Variants in PEX5L observed in about 807,000 individuals in gnomAD.
The protein encoded by PEX5L is PEX5-related protein.
PEX5L carries 30 observed loss-of-function variants against 84.0 expected under a neutral mutation model. The observed-to-expected ratio is 0.36, with a 90% confidence interval of 0.27 to 0.48. PEX5L has a LOEUF of 0.48. Among genes scored for constraint, PEX5L ranks in the 20% least tolerant of loss-of-function variants. The pLI is 0.99. For missense variants in PEX5L, 533 were observed against 754.6 expected (o/e 0.71, Z 3.44); for synonymous variants, 270 against 283.1 (o/e 0.95, Z 0.46).
Position 179,809,481 on chromosome 3 carries a change from G to A in PEX5L, c.1342C>T (p.Pro448Ser). ...TAACGAGAAGGATACCTATCAACTG[G>A]GGACTTAGACATCCGCCGGGTGAGG... ...PGLTRRMSKSPVDSSVLEGVK... is the reference protein window; with the variant it reads ...PGLTRRMSKSSVDSSVLEGVK... Residue 448 changes from proline to serine, a missense_variant, in exon 12 of 15, where the codon CCA (proline) becomes TCA (serine). Physicochemically the swap from Pro to Ser is moderately conservative, Grantham distance 74. Around this residue, in one of 8 missense-constraint regions of PEX5L, gnomAD observed 63 missense variants for 60.2 expected, o/e 1.05. Transcript: ENST00000467460. 1 of 1,612,928 alleles carries A rather than the reference G, an allele frequency of 6.2e-7. No individual in the cohort carries two copies. Among genetic ancestry groups the A allele is most frequent in the Non-Finnish European group, 8.5e-7 (1 of 1,178,964 alleles).
chr3:179,841,206 C>G (rs910395427), intron 8 of PEX5L, among the ~76,000 whole-genome samples: 4 of 151,968 alleles, frequency 2.6e-5, no homozygotes, highest in Admixed American at 2.6e-4. Flanking sequence ...CCTCTGCCTG[C>G]TTCTTCAGCT....
chr3:180,024,612 A>G (rs1790772205), intron 1 of PEX5L, among the ~76,000 whole-genome samples: 1 of 151,404 alleles, frequency 6.6e-6, no homozygotes, highest in Admixed American at 6.6e-5. Context: ...AGACAAGTCC[A>G]CTGGATGACC....
At chr3:179,972,198 T>C (rs1480726562) in intron 1 of PEX5L, among the ~76,000 whole-genome samples, 1 of 152,134 alleles carries the variant, frequency 6.6e-6, no homozygotes, top group Non-Finnish European at 1.5e-5. Flanking sequence ...TCAGAAATAA[T>C]TTTAAAGAGA....
Position 179,809,602 on chromosome 3 carries a change from A to T in PEX5L, c.1221T>A (p.Thr407=), listed in dbSNP as rs199601995. 1.2e-6 allele frequency: 2 copies of T among 1,613,646 alleles called. No individual in the cohort carries two copies. The highest frequency in any genetic ancestry group is 4.5e-5 in the East Asian group (2 of 44,876). Residue 407 remains threonine (T), a synonymous_variant, in exon 12 of 15, where the codon ACT becomes ACA. Transcript: ENST00000467460. ...CGTCACAGGCATCCTGCTGATGGCC[A>T]GTGTTAGTATAACTCACAGCCAAGG... ...LMALAVSYTN[T]GHQQDACDAL...
chr3:180,016,108 C>T (rs1465417696), intron 1 of PEX5L, among the ~76,000 whole-genome samples: 3 of 151,906 alleles, frequency 2.0e-5, no homozygotes, highest in Admixed American at 2.0e-4. Context: ...ACACCACCAC[C>T]ACCACCACCA....
At chr3:180,006,493 A>G (rs1196165452) in intron 1 of PEX5L, among the ~76,000 whole-genome samples, 1 of 152,192 alleles carries the variant, frequency 6.6e-6, no homozygotes, top group African/African-American at 2.4e-5. Flanking sequence ...GAGGAAGTTG[A>G]GGTGAGGGCT....
chr3:179,887,649 A>G (rs749618300), intron 4 of PEX5L, 24 bp downstream of exon 4: 1 of 1,377,792 alleles, frequency 7.3e-7, no homozygotes, highest in Non-Finnish European at 1.0e-6. Context: ...CTAGTTGAGG[A>G]ACAGTTAAAA....
chr3:179,919,661 A>G (rs965460741), intron 2 of PEX5L, among the ~76,000 whole-genome samples: 7 of 152,200 alleles, frequency 4.6e-5, no homozygotes, highest in African/African-American at 1.7e-4. Context: ...ACTCAACTCT[A>G]TCTTTGTGGT....
chr3:179,978,288 T>C (rs938704416), intron 1 of PEX5L, among the ~76,000 whole-genome samples: 1 of 152,176 alleles, frequency 6.6e-6, no homozygotes, highest in African/African-American at 2.4e-5. Flanking sequence ...TATTTTCTAT[T>C]TTCCAAGATT....
chr3:179,902,686 C>T (rs1388206180), intron 2 of PEX5L: 1 of 456,466 alleles, frequency 2.2e-6, no homozygotes, highest in East Asian at 7.0e-5. Context: ...CGTTTTGGTG[C>T]ATAAAATACT....
At chr3:179,930,498 G>A (rs1772776403) in intron 2 of PEX5L, among the ~76,000 whole-genome samples, 1 of 152,130 alleles carries the variant, frequency 6.6e-6, no homozygotes, top group South Asian at 2.1e-4. Context: ...GAAGTTTGTG[G>A]TGCTCCATGA....
intron 2 of PEX5L, among the ~76,000 whole-genome samples, chr3:179,945,164 T>A (rs1777176821): frequency 1.3e-5 from 2 of 152,312 alleles, no homozygotes; most frequent in Admixed American, 6.5e-5. Context: ...GGTCTTCATA[T>A]CACATCTCTA....
intron 8 of PEX5L, among the ~76,000 whole-genome samples, chr3:179,856,071 C>T (rs1743830478): frequency 6.6e-6 from 1 of 152,180 alleles, no homozygotes; most frequent in Non-Finnish European, 1.5e-5. Context: ...GACTTTCAGT[C>T]TATCTTAATG....
intron 8 of PEX5L, among the ~76,000 whole-genome samples, chr3:179,826,135 G>T (rs981283953): frequency 2.0e-5 from 3 of 152,116 alleles, no homozygotes; most frequent in African/African-American, 4.8e-5. Context: ...GGAAGGGGAG[G>T]AATGAGCACA....
intron 1 of PEX5L, among the ~76,000 whole-genome samples, chr3:180,007,139 G>A (rs1788974890): frequency 6.6e-6 from 1 of 152,138 alleles, no homozygotes; most frequent in Non-Finnish European, 1.5e-5. Flanking sequence ...TAGATACAAT[G>A]GGGGTACAGG....
chr3:179,946,056 C>A (rs1445605466), intron 2 of PEX5L, among the ~76,000 whole-genome samples: 1 of 149,032 alleles, frequency 6.7e-6, no homozygotes, highest in Non-Finnish European at 1.5e-5. Context: ...TAGGGGTATT[C>A]ATTCTTTATT....
chr3:179,998,502 G>A (rs1176371666), intron 1 of PEX5L, among the ~76,000 whole-genome samples: 1 of 152,186 alleles, frequency 6.6e-6, no homozygotes, highest in African/African-American at 2.4e-5. Context: ...AATCACAGAG[G>A]AGGCCTCTAG....
intron 8 of PEX5L, among the ~76,000 whole-genome samples, chr3:179,849,543 C>T (rs1740965445): frequency 6.6e-6 from 1 of 152,182 alleles, no homozygotes; most frequent in Non-Finnish European, 1.5e-5. Context: ...ATGCTACTTT[C>T]CTTTTTCTTG....
intron 1 of PEX5L, chr3:179,974,094 G>A: frequency 1.0e-6 from 1 of 985,564 alleles, no homozygotes; most frequent in African/African-American, 1.7e-5. Context: ...GCCCAGGCAG[G>A]GATCTTCAGC....
Sources: gnomAD v4.1 joint callset for allele counts (sites outside exome capture counted in the v4.1 genomes callset) on GRCh38, gnomAD v4.1.1 for gene constraint, gnomAD v4.1.1 regional missense constraint, MANE v1.5 for transcripts, NCBI Gene and HGNC (gene_info 2026-07-23, HGNC 2026-07-21) for gene names.